The following RGS7 variants were observed in gnomAD, a reference collection of about 807,000 sequenced individuals.
The protein encoded by RGS7 is regulator of G protein signaling 7.
In RGS7, 27 loss-of-function variants were observed where a neutral mutation model predicts 81.1. That is an observed-to-expected ratio of 0.33 (90% CI 0.25 to 0.46). The LOEUF is 0.46. Among genes scored for constraint, RGS7 ranks in the 20% least tolerant of loss-of-function variants. The pLI is 1.00. For synonymous variants in RGS7, 208 were observed against 207.7 expected (o/e 1.00, Z -0.01); for missense variants, 396 against 607.4 (o/e 0.65, Z 3.66).
At chr1:241,083,268 CA>C (rs1230567679) in intron 3 of RGS7, among the ~76,000 whole-genome samples, 1 of 144,688 alleles carries the variant, frequency 6.9e-6, no homozygotes, top group Non-Finnish European at 1.5e-5. Flanking sequence ...CAAAACAAAA[CA>C]AAACAAAACA....
At chr1:240,796,671 G>C (rs905040068) in intron 18 of RGS7, among the ~76,000 whole-genome samples, 3 of 152,138 alleles carry the variant, frequency 2.0e-5, no homozygotes, top group Non-Finnish European at 4.4e-5. Context: ...GGGTGACAGA[G>C]TGAAATTGTG....
At chr1:240,808,878 TA>T (rs5782161) in intron 14 of RGS7, among the ~76,000 whole-genome samples, 89,685 of 145,782 alleles carry the variant, frequency 0.62, 27,596 homozygotes, top group Non-Finnish European at 0.68. Context: ...CCATCTCTCT[TA>T]AAAAAAAAAA....
chr1:240,949,704 AG>A (rs1475583723), intron 4 of RGS7, among the ~76,000 whole-genome samples: 3 of 151,828 alleles, frequency 2.0e-5, no homozygotes, highest in African/African-American at 7.3e-5. Flanking sequence ...AAAAATTAGC[AG>A]GGCGTGGTGG....
rs568486417 is a variant in RGS7, at chr1:241,338,590, T to C, written c.78+17109A>G. ...ATCAGAACATTTTCATTTGCATTTA[T>C]TCTTTGACATGGGCAAATGACAACC... is the stretch of plus-strand genomic sequence containing the variant. On this transcript the variant is annotated intron_variant, in intron 2 of 18. Coordinates refer to ENST00000440928, the MANE Select transcript of RGS7 (RefSeq NM_001364886.1). Among the ~76,000 whole-genome samples, 4 of 152,258 alleles carry C rather than the reference T, an allele frequency of 2.6e-5. No homozygotes were observed. The East Asian group carries it at 5.8e-4, about 22-fold the overall frequency.
intron 10 of RGS7, chr1:240,822,980 T>C (rs946449343): frequency 2.5e-5 from 13 of 530,492 alleles, no homozygotes; most frequent in African/African-American, 2.1e-4. Flanking sequence ...TCAGGGGCTA[T>C]TCATCATTTT....
chr1:241,181,698 C>A (rs1233942508), intron 2 of RGS7, among the ~76,000 whole-genome samples: 1 of 152,002 alleles, frequency 6.6e-6, no homozygotes, highest in African/African-American at 2.4e-5. Flanking sequence ...AAATAATGGT[C>A]TCTTTGTTTT....
At chr1:240,808,055 G>A (rs1415030883) in intron 14 of RGS7, among the ~76,000 whole-genome samples, 245 of 134,866 alleles carry the variant, frequency 1.8e-3, no homozygotes, top group Non-Finnish European at 2.6e-3. Context: ...AAAAAAAAAA[G>A]GGAATACTAC....
chr1:240,820,164 G>A (rs1430263326), intron 10 of RGS7, among the ~76,000 whole-genome samples: 1 of 152,142 alleles, frequency 6.6e-6, no homozygotes, highest in African/African-American at 2.4e-5. Context: ...CTAGAAACAG[G>A]TAAGGTTAGA....
chr1:240,890,224 C>T (rs1668065576), intron 6 of RGS7, among the ~76,000 whole-genome samples: 1 of 152,220 alleles, frequency 6.6e-6, no homozygotes, highest in Non-Finnish European at 1.5e-5. Context: ...GCAATCTCGG[C>T]TCACTGCAAC....
intron 4 of RGS7, among the ~76,000 whole-genome samples, chr1:240,966,970 G>A (rs192689084): frequency 6.6e-6 from 1 of 151,678 alleles, no homozygotes; most frequent in African/African-American, 2.4e-5. Flanking sequence ...ACTATGTAGG[G>A]GTTAGGGACA....
At chr1:240,895,276 CTTTCTTTCTTTTTTCTTTCTTTT>C (rs1367454302) in intron 6 of RGS7, among the ~76,000 whole-genome samples, 1 of 143,868 alleles carries the variant, frequency 7.0e-6, no homozygotes, top group Non-Finnish European at 1.6e-5. Context: ...TTCTTTCTTT[CTTTCTTTCTTTTTTCTTTCTTTT>C]TAGTTATACT....
chr1:241,261,658 A>G (rs949145807), intron 2 of RGS7, among the ~76,000 whole-genome samples: 2 of 151,482 alleles, frequency 1.3e-5, no homozygotes, highest in African/African-American at 2.4e-5. Flanking sequence ...AATGAGGGCA[A>G]TGATTTAGAT....
intron 3 of RGS7, among the ~76,000 whole-genome samples, chr1:241,061,239 C>G (rs928110190): frequency 1.3e-5 from 2 of 152,146 alleles, no homozygotes; most frequent in Admixed American, 6.5e-5. Context: ...CCCTCTTTCT[C>G]TTGTAAAGGT....
chr1:241,187,453 T>C (rs1403224294), intron 2 of RGS7, among the ~76,000 whole-genome samples: 2 of 152,148 alleles, frequency 1.3e-5, no homozygotes, highest in African/African-American at 4.8e-5. Context: ...AGTGCCACTT[T>C]TGGGAGAAAA....
At chr1:241,210,338 T>C (rs1573147147) in intron 2 of RGS7, among the ~76,000 whole-genome samples, 1 of 152,128 alleles carries the variant, frequency 6.6e-6, no homozygotes, top group African/African-American at 2.4e-5. Flanking sequence ...TTAGTAGAGA[T>C]GGGGTTTCAC....
chr1:241,234,962 G>C (rs540375481), intron 2 of RGS7, among the ~76,000 whole-genome samples: 1 of 152,094 alleles, frequency 6.6e-6, no homozygotes, highest in Admixed American at 6.5e-5. Flanking sequence ...AACATTTTAG[G>C]CATACAATTT....
chr1:241,326,851 G>A (rs981997617), intron 2 of RGS7, among the ~76,000 whole-genome samples: 5 of 149,540 alleles, frequency 3.3e-5, no homozygotes, highest in African/African-American at 7.4e-5. Context: ...TTGAGGCTGC[G>A]GTGAGCTGAG....
intron 3 of RGS7, among the ~76,000 whole-genome samples, chr1:241,093,307 C>T (rs1051657370): frequency 3.3e-5 from 5 of 152,034 alleles, no homozygotes; most frequent in African/African-American, 9.7e-5. Flanking sequence ...AGCCTTTAAA[C>T]AGTTCTGTTC....
intron 2 of RGS7, among the ~76,000 whole-genome samples, chr1:241,241,503 C>T (rs780392553): frequency 6.6e-6 from 1 of 152,110 alleles, no homozygotes; most frequent in Admixed American, 6.5e-5. Context: ...AAAGGCAGCA[C>T]GTGTCTGTGG....
Sources: allele counts gnomAD v4.1 joint callset (sites outside exome capture counted in the v4.1 genomes callset), GRCh38; gene constraint gnomAD v4.1.1; transcripts MANE v1.5; gene names NCBI Gene and HGNC (gene_info 2026-07-23, HGNC 2026-07-21).